Variants in ZNF83 observed in about 807,000 individuals in gnomAD.
ZNF83 encodes the protein zinc finger protein 83, also known as zinc finger protein 816B.
For synonymous variants in ZNF83, 209 were observed against 213.0 expected (o/e 0.98, Z 0.17); for missense variants, 552 against 629.9 (o/e 0.88, Z 1.32).
At chr19:52,648,396 C>A (rs2061401091) in intron 3 of ZNF83, among the ~76,000 whole-genome samples, 1 of 151,808 alleles carries the variant, frequency 6.6e-6, no homozygotes, top group African/African-American at 2.4e-5. Context: ...GTCCAAAAAG[C>A]TAAGGCTAAA....
intron 3 of ZNF83, chr19:52,653,423 T>C (rs1183637818): frequency 1.2e-6 from 1 of 826,842 alleles, no homozygotes; most frequent in Non-Finnish European, 2.0e-6. Context: ...GTATGAACTC[T>C]GTTATGGCGT....
chr19:52,654,492 G>A, intron 3 of ZNF83: 1 of 523,746 alleles, frequency 1.9e-6, no homozygotes, highest in South Asian at 5.6e-5. Flanking sequence ...TACACAAAAA[G>A]CAATACTTAT....
chr19:52,632,992 A>T (rs931361155), intron 2 of ZNF83, among the ~76,000 whole-genome samples: 6 of 152,150 alleles, frequency 3.9e-5, no homozygotes, highest in Non-Finnish European at 8.8e-5. Context: ...TCACCGTCCC[A>T]ACACTTTACC....
chr19:52,653,431 C>A (rs143804476), intron 3 of ZNF83: 1 of 800,074 alleles, frequency 1.2e-6, no homozygotes, highest in Non-Finnish European at 2.1e-6. Flanking sequence ...TCTGTTATGG[C>A]GTGAAAGGCA....
chr19:52,673,302 C>T (rs549110015), intron 1 of ZNF83, among the ~76,000 whole-genome samples: 8 of 152,112 alleles, frequency 5.3e-5, no homozygotes, highest in African/African-American at 9.7e-5. Context: ...GTCAAGAGTT[C>T]GAGACCAGCC....
At chr19:52,641,046 C>G (rs1475320408), upstream of ZNF83, among the ~76,000 whole-genome samples, 3 of 151,850 alleles carry the variant, frequency 2.0e-5, no homozygotes, top group Admixed American at 1.3e-4. Flanking sequence ...CTTGCCGGCC[C>G]CCACCCTTCA....
intron 1 of ZNF83, among the ~76,000 whole-genome samples, chr19:52,687,517 A>AT (rs374792318): frequency 3.0e-5 from 1 of 33,058 alleles, no homozygotes; most frequent in Non-Finnish European, 5.8e-5. Flanking sequence ...AATTATATAT[A>AT]AATTTTATAT....
intron 2 of ZNF83, chr19:52,616,867 G>A (rs1450064898): frequency 6.6e-6 from 1 of 152,056 alleles, no homozygotes; most frequent in African/African-American, 2.4e-5. Flanking sequence ...AAAAGAATGA[G>A]ATCATGTCCT....
chr19:52,680,664 G>A (rs1042000590), intron 1 of ZNF83, among the ~76,000 whole-genome samples: 14 of 132,200 alleles, frequency 1.1e-4, no homozygotes, highest in African/African-American at 4.1e-4. Flanking sequence ...CCAGGCTGGA[G>A]TGCAGTGGCG....
chr19:52,646,283 C>A (rs1473215116), intron 3 of ZNF83, among the ~76,000 whole-genome samples: 1 of 152,072 alleles, frequency 6.6e-6, no homozygotes, highest in Non-Finnish European at 1.5e-5. Flanking sequence ...GATGGCTAAT[C>A]CCTGTAATGC....
At chr19:52,630,010 G>A (rs1048926646) in intron 2 of ZNF83, among the ~76,000 whole-genome samples, 1 of 152,120 alleles carries the variant, frequency 6.6e-6, no homozygotes, top group African/African-American at 2.4e-5. Flanking sequence ...CAGTGGCCAG[G>A]CATTCCTCCA....
chr19:52,678,447 C>CT (rs1386023261), intron 1 of ZNF83, among the ~76,000 whole-genome samples: 1 of 66,708 alleles, frequency 1.5e-5, no homozygotes, highest in African/African-American at 5.4e-5. Context: ...GAGACTTCAT[C>CT]TCAAAAAAAA....
At chr19:52,620,270 C>CTGTGTGTGTGTGTGTGTGTGTGTGTGTG (rs377267661) in intron 2 of ZNF83, among the ~76,000 whole-genome samples, 144 of 144,476 alleles carry the variant, frequency 1.0e-3, no homozygotes, top group African/African-American at 2.7e-3. Flanking sequence ...GTGTATATCT[C>CTGTGTGTGTGTGTGTGTGTGTGTGTGTG]TGTGTGTGTG....
chr19:52,637,484 G>A (rs1568554449), intron 1 of ZNF83, among the ~76,000 whole-genome samples: 1 of 151,972 alleles, frequency 6.6e-6, no homozygotes, highest in East Asian at 1.9e-4. Context: ...TGTACATCTA[G>A]GTTTCTCTAC....
intron 1 of ZNF83, among the ~76,000 whole-genome samples, chr19:52,679,095 A>T (rs977846943): frequency 6.6e-6 from 1 of 152,220 alleles, no homozygotes; most frequent in African/African-American, 2.4e-5. Context: ...AAATTGAACA[A>T]AGGTTTTCTT....
At chr19:52,646,276 G>A (rs2061371737) in intron 3 of ZNF83, among the ~76,000 whole-genome samples, 1 of 152,030 alleles carries the variant, frequency 6.6e-6, no homozygotes, top group African/African-American at 2.4e-5. Flanking sequence ...CAGGTGTGAT[G>A]GCTAATCCCT....
rs527299433 is a variant in ZNF83 at position 52,614,625 on chromosome 19, A to G, written c.-61T>C. On this transcript the variant is annotated 5_prime_UTR_variant, in exon 3 of 3. Coordinates refer to ENST00000301096, the Ensembl canonical transcript of ZNF83. The stretch of plus-strand genomic sequence containing the variant: ...CACGCACTCGCTTATAATGTCTTCA[A>G]TCATGTTTCCACAGACACTGAGAGT... The G allele has an allele frequency of 1.3e-4, 196 of 1,474,404 alleles. 1 individual carries two copies. The South Asian group carries it at 1.6e-3, about 12-fold the overall frequency. The allele number at this position is 1,474,404 out of a possible 1,614,324, so 91.3% of individuals were successfully genotyped here.
At chr19:52,673,991 GGGTAACA>G (rs1303140984) in intron 1 of ZNF83, among the ~76,000 whole-genome samples, 1 of 142,750 alleles carries the variant, frequency 7.0e-6, no homozygotes, top group African/African-American at 2.7e-5. Flanking sequence ...CCTGCAGCCT[GGGTAACA>G]GAGTGAGACT....
chr19:52,649,636 A>G (rs2061417974), intron 3 of ZNF83, among the ~76,000 whole-genome samples: 1 of 152,186 alleles, frequency 6.6e-6, no homozygotes, highest in Non-Finnish European at 1.5e-5. Context: ...AACAGAAAAA[A>G]GATGAAAGCC....
Sources: allele counts gnomAD v4.1 joint callset (sites outside exome capture counted in the v4.1 genomes callset), GRCh38; gene constraint gnomAD v4.1.1; transcripts MANE v1.5; gene names NCBI Gene and HGNC (gene_info 2026-07-23, HGNC 2026-07-21).